DLC1: variants seen among roughly 807,000 people sequenced by gnomAD.
DLC1 encodes DLC1 Rho GTPase activating protein.
Under a neutral mutation model 140.3 loss-of-function variants are expected in DLC1, and 54 were observed. The observed-to-expected ratio is 0.38, with a 90% confidence interval of 0.31 to 0.48. DLC1 has a LOEUF of 0.48. Ranked by LOEUF, DLC1 falls within the 20% of genes least tolerant of loss-of-function variation. DLC1 has a pLI of 0.96. For missense variants in DLC1, 2,536 were observed against 1,907.0 expected, an observed-to-expected ratio of 1.33 and a Z score of -6.14; for synonymous variants, 986 against 728.1, an observed-to-expected ratio of 1.35 and a Z score of -5.70.
At chr8:13,450,103 A>C (rs2116963784) in intron 2 of DLC1, among the ~76,000 whole-genome samples, 1 of 152,256 alleles carries the variant, frequency 6.6e-6, no homozygotes, top group South Asian at 2.1e-4. Context: ...ATTAAGTAAA[A>C]TAAATCATTA....
intron 5 of DLC1, among the ~76,000 whole-genome samples, chr8:13,159,789 C>G (rs189663553): frequency 6.7e-6 from 1 of 149,968 alleles, no homozygotes; most frequent in Non-Finnish European, 1.5e-5. Flanking sequence ...GTGTGTGAAT[C>G]TGAAGGGCAA....
At chr8:13,238,835 C>A (rs1829411782) in intron 5 of DLC1, among the ~76,000 whole-genome samples, 1 of 152,172 alleles carries the variant, frequency 6.6e-6, no homozygotes, top group South Asian at 2.1e-4. Context: ...CTGACGCGTG[C>A]TTCCAGGAGG....
chr8:13,290,330 A>T lies in DLC1; in HGVS notation c.1348+14939T>A, dbSNP rs1831709459. On this transcript the variant is annotated intron_variant, in intron 5 of 17. Transcript: ENST00000276297. The stretch of plus-strand genomic sequence containing the variant: ...GTCCCTGGAGAGTATGTTAATATTT[A>T]TGGTTACTAAGCCTAGGAGATTTTG... Among the ~76,000 whole-genome samples, 4 of 152,150 alleles carry T rather than the reference A, an allele frequency of 2.6e-5. 1 individual carries two copies. In the South Asian group the frequency reaches 8.3e-4, roughly 32 times the overall value.
chr8:13,528,791 A>G (rs1207665717), intron 1 of DLC1, among the ~76,000 whole-genome samples: 1 of 152,182 alleles, frequency 6.6e-6, no homozygotes, highest in Non-Finnish European at 1.5e-5. Context: ...TAGGACAAAA[A>G]CAACTCCACA....
In DLC1 at chr8:13,293,813, G is replaced by A. The variant is rs758332829; in HGVS notation, c.1348+11456C>T. Among the ~76,000 whole-genome samples the A allele has an allele frequency of 1.1e-4, 16 of 151,790 alleles. No homozygotes were observed. The South Asian group carries it at 1.3e-3, about 12-fold the overall frequency. On this transcript the variant is annotated intron_variant, in intron 5 of 17. Transcript: ENST00000276297. ...TATTAAAAGAGAAATTGTCATCTAC[G>A]TGTGTTGCTTAAAATATAATTGAGA... is the stretch of plus-strand genomic sequence containing the variant.
intron 5 of DLC1, among the ~76,000 whole-genome samples, chr8:13,300,982 T>C (rs946920721): frequency 6.6e-5 from 10 of 151,990 alleles, no homozygotes; most frequent in African/African-American, 2.4e-4. Context: ...ACAAGGGTGA[T>C]GAGAGGGCGG....
chr8:13,553,303 A>T (rs1476675890), intron 1 of DLC1, among the ~76,000 whole-genome samples: 1 of 135,656 alleles, frequency 7.4e-6, no homozygotes, highest in East Asian at 2.3e-4. Context: ...CTCCTATATA[A>T]GGCCAATTTC....
intron 1 of DLC1, among the ~76,000 whole-genome samples, chr8:13,562,424 T>C (rs1804274683): frequency 1.3e-5 from 2 of 152,080 alleles, no homozygotes; most frequent in African/African-American, 4.8e-5. Flanking sequence ...ATGGTACACA[T>C]AAAAAGAAAA....
At chr8:13,362,477 T>G (rs1193508110) in intron 4 of DLC1, among the ~76,000 whole-genome samples, 1 of 152,170 alleles carries the variant, frequency 6.6e-6, no homozygotes, top group African/African-American at 2.4e-5. Context: ...GTGCCTGGAA[T>G]TAGAGTGAAA....
intron 1 of DLC1, among the ~76,000 whole-genome samples, chr8:13,571,867 T>A (rs1445834676): frequency 2.6e-5 from 4 of 152,144 alleles, no homozygotes; most frequent in African/African-American, 9.7e-5. Context: ...TTGCCAACAC[T>A]TTTTATTTTC....
At chr8:13,560,391 G>T (rs902273733) in intron 1 of DLC1, among the ~76,000 whole-genome samples, 1 of 152,156 alleles carries the variant, frequency 6.6e-6, no homozygotes, top group Non-Finnish European at 1.5e-5. Context: ...ACAGGTTTGT[G>T]ATAGGGTCAG....
intron 2 of DLC1, among the ~76,000 whole-genome samples, chr8:13,497,188 C>T (rs1303804857): frequency 6.6e-6 from 1 of 152,134 alleles, no homozygotes; most frequent in Non-Finnish European, 1.5e-5. Context: ...CTGTACATAT[C>T]TTTCTATGAA....
chr8:13,298,712 T>C (rs558512205), intron 5 of DLC1, among the ~76,000 whole-genome samples: 3 of 152,212 alleles, frequency 2.0e-5, no homozygotes, highest in African/African-American at 7.2e-5. Flanking sequence ...TTGGATCCAA[T>C]GAAGCAAGTA....
At chr8:13,340,434 C>T (rs1833990129) in intron 4 of DLC1, 1 of 152,286 alleles carries the variant, frequency 6.6e-6, no homozygotes, top group African/African-American at 2.4e-5. Context: ...CTCCTGACCT[C>T]AAGTGATCCA....
At chr8:13,171,000 A>G (rs1825438141) in intron 5 of DLC1, among the ~76,000 whole-genome samples, 1 of 152,136 alleles carries the variant, frequency 6.6e-6, no homozygotes, top group African/African-American at 2.4e-5. Context: ...AAGAACTATA[A>G]CTCATGTTAT....
At chr8:13,426,192 A>G (rs1445674324) in intron 2 of DLC1, among the ~76,000 whole-genome samples, 1 of 141,098 alleles carries the variant, frequency 7.1e-6, no homozygotes, top group African/African-American at 2.5e-5. Context: ...TTAATATTCC[A>G]AATATTGTCT....
At chr8:13,394,536 G>T (rs1344442003) in intron 3 of DLC1, among the ~76,000 whole-genome samples, 1 of 152,114 alleles carries the variant, frequency 6.6e-6, no homozygotes, top group African/African-American at 2.4e-5. Flanking sequence ...AGGTGGTTTG[G>T]TTGCACAGAG....
In DLC1 at chr8:13,453,552, A is replaced by AT. The variant is rs1799251873; in HGVS notation, c.1023+45496dup. ...TGTATATATATACATATATATATAT[A>AT]TATATTTTTTTTTTTTTTTTTTCAG... On this transcript the variant is annotated intron_variant, in intron 2 of 17. Transcript: ENST00000276297. Among the ~76,000 whole-genome samples the AT allele has an allele frequency of 5.3e-5, 4 of 75,800 alleles. 1 individual carries two copies. The highest frequency in any genetic ancestry group is 2.4e-4 in the African/African-American group (3 of 12,356). The allele number at this position is 75,800 out of a possible 152,430, so 49.7% of individuals were successfully genotyped here. A position where few individuals can be genotyped will look rare whatever the true frequency, so the allele number is the denominator to read the frequency against.
At chr8:13,188,520 T>C (rs1012790989) in intron 5 of DLC1, among the ~76,000 whole-genome samples, 2 of 148,728 alleles carry the variant, frequency 1.3e-5, no homozygotes, top group African/African-American at 4.9e-5. Context: ...GTATTGGAGA[T>C]GTTAGATTTC....
Sources: gnomAD v4.1 joint callset for allele counts (sites outside exome capture counted in the v4.1 genomes callset) on GRCh38, gnomAD v4.1.1 for gene constraint, MANE v1.5 for transcripts, NCBI Gene and HGNC (gene_info 2026-07-23, HGNC 2026-07-21) for gene names.